DIABLO: variants seen among roughly 807,000 people sequenced by gnomAD.
The protein encoded by DIABLO is diablo homolog, mitochondrial.
In DIABLO, 32 loss-of-function variants were observed where a neutral mutation model predicts 31.7. That is an observed-to-expected ratio of 1.01 (90% CI 0.76 to 1.35). The LOEUF (loss-of-function observed/expected upper bound fraction) is 1.35. DIABLO is among the 40% of genes most tolerant of loss of function. The pLI, the probability that DIABLO is intolerant of heterozygous loss-of-function variation, is 0.00. For synonymous variants in DIABLO, 132 were observed against 103.2 expected (o/e 1.28, Z -1.69); for missense variants, 316 against 286.4 (o/e 1.10, Z -0.75).
At chr12:122,210,240 T>G (rs533764228) in intron 5 of DIABLO, among the ~76,000 whole-genome samples, 1 of 152,314 alleles carries the variant, frequency 6.6e-6, no homozygotes, top group South Asian at 2.1e-4. Flanking sequence ...GTCATTACTT[T>G]CTTTGCGCTG....
chr12:122,215,280 C>CAA (rs112216922), intron 5 of DIABLO, among the ~76,000 whole-genome samples: 4 of 141,334 alleles, frequency 2.8e-5, no homozygotes, highest in African/African-American at 1.0e-4. Flanking sequence ...AACTCTGTCT[C>CAA]AAAAAAAAAA....
In DIABLO at chr12:122,224,797, C is replaced by T. The variant is rs780438187; in HGVS notation, c.51-153G>A. On this transcript the variant is annotated intron_variant, in intron 1 of 5. Transcript: ENST00000464942. The stretch of plus-strand genomic sequence containing the variant: ...GAGGGGTTTTGAAATTTTCAACATA[C>T]ACCAAGTTTAAAATGTTGCCTCAGG... 48 of 1,550,144 alleles carry T rather than the reference C, an allele frequency of 3.1e-5. No homozygotes were observed. The South Asian group carries it at 5.1e-4, about 17-fold the overall frequency.
At position 122,207,697 on chromosome 12, in the gene DIABLO, T is replaced by G. The variant is rs1953955573; in HGVS notation, c.*684A>C. 1 of 578,858 alleles carries G rather than the reference T, an allele frequency of 1.7e-6. No individual in the cohort carries two copies. Among genetic ancestry groups the G allele is most frequent in the African/African-American group, 1.8e-5 (1 of 54,430 alleles). The allele number at this position is 578,858 out of a possible 1,614,324, so 35.9% of individuals were successfully genotyped here. A position where few individuals can be genotyped will look rare whatever the true frequency, so the allele number is the denominator to read the frequency against. ...GGAGAGACGCATTTTCTCTTTCAGATGCAAACAAAATCTTACACTCTTCTC... is the reference window on the plus strand; with the variant it reads ...GGAGAGACGCATTTTCTCTTTCAGAGGCAAACAAAATCTTACACTCTTCTC... On this transcript the variant is annotated 3_prime_UTR_variant, in exon 6 of 6. Coordinates refer to ENST00000464942, the MANE Select transcript of DIABLO (RefSeq NM_001371333.1).
rs944663978 is a variant in DIABLO at position 122,209,718 on chromosome 12, C to T, written c.524-1141G>A. The stretch of plus-strand genomic sequence containing the variant: ...TTACCTGCTGCTAGTTAGTGTATTT[C>T]ACCATCTGGGTATATACATTTTATC... On this transcript the variant is annotated intron_variant, in intron 5 of 5. Transcript: ENST00000464942. The T allele has an allele frequency of 4.3e-6, 3 of 699,264 alleles. No individual in the cohort carries two copies. The African/African-American group carries it at 5.3e-5, about 12-fold the overall frequency. The allele number at this position is 699,264 out of a possible 1,614,324, so 43.3% of individuals were successfully genotyped here.
rs555842468 is a variant in DIABLO, at chr12:122,208,404, C to T, written c.697G>A (p.Glu233Lys). The change falls in exon 6 of 6, where the codon GAG becomes AAG. Residue 233 changes from glutamate to lysine, a missense_variant. Physicochemically the swap from Glu to Lys is moderately conservative, Grantham distance 56. Coordinates refer to ENST00000464942, the MANE Select transcript of DIABLO (RefSeq NM_001371333.1). ...EGEERAESEQEAYLRED is the reference protein window; with the variant it reads ...EGEERAESEQKAYLRED The stretch of plus-strand genomic sequence containing the variant: ...CCTCAATCCTCACGCAGGTAGGCCT[C>T]CTGCTCCGACTCAGCCCGCTCCTCC... The T allele has an allele frequency of 2.5e-6, 4 of 1,612,742 alleles. No individual in the cohort carries two copies. The highest frequency in any genetic ancestry group is 4.5e-5 in the East Asian group (2 of 44,900).
chr12:122,222,677 G>T (rs531923271), intron 2 of DIABLO: 47 of 152,276 alleles, frequency 3.1e-4, no homozygotes, highest in African/African-American at 1.1e-3. Flanking sequence ...GGACTGGGTG[G>T]GGTGAGGATG....
In DIABLO at chr12:122,224,636, T is replaced by TG; in HGVS notation, c.58dup (p.Gln20ProfsTer10). 1.2e-6 allele frequency: 2 copies of TG among 1,614,134 alleles called. No homozygotes were observed. Among genetic ancestry groups the TG allele is most frequent in the South Asian group, 2.2e-5 (2 of 91,086 alleles). ...AGCCACAACAGGAACACACAAACACTGTCTGTACCTGGAAGTAGAAGTCAG... is the reference window on the plus strand; with the variant it reads ...AGCCACAACAGGAACACACAAACACTGGTCTGTACCTGGAAGTAGAAGTCAG... On this transcript the variant is annotated frameshift_variant, in exon 2 of 6. Coordinates refer to ENST00000464942, the MANE Select transcript of DIABLO (RefSeq NM_001371333.1). LOFTEE classifies it high-confidence loss of function.
At chr12:122,217,314 A>C (rs1250563543) in intron 3 of DIABLO, 4 of 201,608 alleles carry the variant, frequency 2.0e-5, no homozygotes, top group African/African-American at 9.5e-5. Context: ...GGAGTTCGAG[A>C]CCAGCTTGGC....
chr12:122,216,367 G>T, intron 5 of DIABLO, 121 bp downstream of exon 5: 1 of 821,078 alleles, frequency 1.2e-6, no homozygotes, highest in Non-Finnish European at 2.0e-6. Context: ...ATTTCTCAAA[G>T]TGAGAGCCAC....
rs767109973 is a variant in DIABLO at position 122,208,562 on chromosome 12, G to A, written c.539C>T (p.Ser180Phe). ...CTGAATGTGATTCCTGGCGGTTATAGAGGCCTGATCTGCGCCTGCCAAAAG... is the reference window on the plus strand; with the variant it reads ...CTGAATGTGATTCCTGGCGGTTATAAAGGCCTGATCTGCGCCTGCCAAAAG... ...AAYQTGADQA[S>F]ITARNHIQLV... is the part of the protein sequence containing the mutation. Residue 180 changes from serine (S) to phenylalanine (F), a missense_variant, in exon 6 of 6, where the codon TCT becomes TTT. Coordinates refer to ENST00000464942, the MANE Select transcript of DIABLO (RefSeq NM_001371333.1). The A allele has an allele frequency of 4.3e-6, 7 of 1,613,306 alleles. No homozygotes were observed. The highest frequency in any genetic ancestry group is 5.9e-6 in the Non-Finnish European group (7 of 1,180,030).
chr12:122,212,199 C>T (rs1394411996), intron 5 of DIABLO, among the ~76,000 whole-genome samples: 1 of 152,078 alleles, frequency 6.6e-6, no homozygotes. Flanking sequence ...ACTGGAGCTA[C>T]CAAGTTTCCT....
intron 1 of DIABLO, chr12:122,225,518 A>T: frequency 9.4e-7 from 1 of 1,061,766 alleles, no homozygotes; most frequent in Non-Finnish European, 1.1e-6. Context: ...CGGTCCCGCT[A>T]CAATCGCCCA....
intron 1 of DIABLO, chr12:122,224,942 C>A (rs955389215): frequency 4.8e-6 from 4 of 825,748 alleles, no homozygotes; most frequent in Non-Finnish European, 6.8e-6. Flanking sequence ...GCAACATGAC[C>A]CCGTGTCTAT....
At position 122,216,696 on chromosome 12, in the gene DIABLO, A is replaced by G. The variant is rs1954219613; in HGVS notation, c.426+63T>C. On this transcript the variant is annotated intron_variant, in intron 4 of 5. Coordinates refer to ENST00000464942, the MANE Select transcript of DIABLO (RefSeq NM_001371333.1). Reference sequence around the variant, plus strand: ...GATTATATTGATTAGACTTAATTCAATAATTTAGATACCACATGAGGTAGG... The same window carrying G: ...GATTATATTGATTAGACTTAATTCAGTAATTTAGATACCACATGAGGTAGG... The G allele has an allele frequency of 3.8e-6, 6 of 1,561,162 alleles. No homozygotes were observed. The African/African-American group carries it at 4.1e-5, about 11-fold the overall frequency.
At chr12:122,210,228 T>C (rs1252254734) in intron 5 of DIABLO, among the ~76,000 whole-genome samples, 3 of 152,170 alleles carry the variant, frequency 2.0e-5, no homozygotes, top group African/African-American at 2.4e-5. Flanking sequence ...AAGAGGAGGC[T>C]TGTCATTACT....
chr12:122,226,118 C>T (rs1335464845), upstream of DIABLO: 4 of 1,488,758 alleles, frequency 2.7e-6, no homozygotes, highest in Admixed American at 7.8e-5. Context: ...CCCATAGCCA[C>T]GCCCCCACCC....
chr12:122,224,734 G>A (rs746632018), intron 1 of DIABLO, 90 bp from the exon 2 acceptor site: 8 of 1,611,668 alleles, frequency 5.0e-6, no homozygotes, highest in South Asian at 3.3e-5. Context: ...ACTCAAACTC[G>A]AGCCAAGCAG....
intron 5 of DIABLO, among the ~76,000 whole-genome samples, chr12:122,214,294 T>A (rs1009016286): frequency 6.6e-6 from 1 of 152,072 alleles, no homozygotes; most frequent in Non-Finnish European, 1.5e-5. Flanking sequence ...GATCCTCCTA[T>A]CTTACCCTCC....
intron 5 of DIABLO, among the ~76,000 whole-genome samples, chr12:122,214,836 G>A (rs932510631): frequency 1.3e-5 from 2 of 152,174 alleles, no homozygotes; most frequent in South Asian, 2.1e-4. Context: ...CTGCACAGGC[G>A]TGTGCCACTA....
Sources: gnomAD v4.1 joint callset for allele counts (sites outside exome capture counted in the v4.1 genomes callset) on GRCh38, gnomAD v4.1.1 for gene constraint, MANE v1.5 for transcripts, NCBI Gene and HGNC (gene_info 2026-07-23, HGNC 2026-07-21) for gene names.